Variants in MYO9A observed in about 807,000 individuals in gnomAD.
MYO9A encodes the protein myosin IXA.
In MYO9A, 103 loss-of-function variants were observed where a neutral mutation model predicts 293.3. That is an observed-to-expected ratio of 0.35 (90% CI 0.30 to 0.41). The LOEUF is 0.41. MYO9A is among the 10% of genes least tolerant of loss of function. The pLI is 1.00. For missense variants in MYO9A, 2,685 were observed against 3,033.0 expected (o/e 0.89, Z 2.69); for synonymous variants, 1,001 against 1,035.7 (o/e 0.97, Z 0.64).
intron 11 of MYO9A, among the ~76,000 whole-genome samples, chr15:71,987,982 C>T (rs1334908686): frequency 6.6e-6 from 1 of 152,134 alleles, no homozygotes; most frequent in African/African-American, 2.4e-5. Context: ...TTTCCATAAA[C>T]TCTAAGGTTT....
At chr15:71,980,423 T>C (rs2076244091) in intron 11 of MYO9A, among the ~76,000 whole-genome samples, 1 of 152,208 alleles carries the variant, frequency 6.6e-6, no homozygotes, top group Admixed American at 6.5e-5. Context: ...GGTGAATGCC[T>C]ACTAGTAGCT....
At chr15:71,996,487 G>A (rs113101525) in intron 9 of MYO9A, among the ~76,000 whole-genome samples, 1 of 152,008 alleles carries the variant, frequency 6.6e-6, no homozygotes, top group African/African-American at 2.4e-5. Flanking sequence ...GTCTTTCATA[G>A]CTTAACCTCA....
intron 12 of MYO9A, among the ~76,000 whole-genome samples, chr15:71,975,312 G>GTA (rs2147676901): frequency 6.6e-6 from 1 of 150,698 alleles, no homozygotes; most frequent in South Asian, 2.1e-4. Flanking sequence ...TCGTGTGTGT[G>GTA]TGTGTGTGTG....
intron 1 of MYO9A, among the ~76,000 whole-genome samples, chr15:72,113,947 T>C (rs996292332): frequency 2.6e-5 from 4 of 151,872 alleles, no homozygotes; most frequent in African/African-American, 9.7e-5. Context: ...GGCATGGGGG[T>C]CACATAGTAG....
chr15:71,884,745 T>A (rs2056970302), intron 27 of MYO9A, among the ~76,000 whole-genome samples: 1 of 152,104 alleles, frequency 6.6e-6, no homozygotes, highest in African/African-American at 2.4e-5. Context: ...ATCTGTTCAT[T>A]TGTCTGTTCA....
At chr15:71,833,605 G>A (rs1229468848) in intron 39 of MYO9A, among the ~76,000 whole-genome samples, 1 of 152,046 alleles carries the variant, frequency 6.6e-6, no homozygotes. Flanking sequence ...GACATATACA[G>A]ACTTCAGTAT....
intron 1 of MYO9A, among the ~76,000 whole-genome samples, chr15:72,055,619 G>GA (rs2078696497): frequency 6.6e-6 from 1 of 151,694 alleles, no homozygotes; most frequent in African/African-American, 2.4e-5. Context: ...AAATTAGCAA[G>GA]AAAAAAACAA....
intron 16 of MYO9A, 39 bp from the exon 17 acceptor site, chr15:71,935,523 C>A: frequency 6.4e-7 from 1 of 1,574,676 alleles, no homozygotes. Flanking sequence ...ATGAAGACGT[C>A]TCTAACACTA....
intron 27 of MYO9A, among the ~76,000 whole-genome samples, chr15:71,887,545 A>G (rs1302914788): frequency 6.6e-6 from 1 of 151,986 alleles, no homozygotes; most frequent in East Asian, 1.9e-4. Flanking sequence ...TTCCCCATAA[A>G]TTTACCTTCC....
rs1359961280 is a variant in MYO9A at position 71,825,856 on chromosome 15, CTAAACAGGAGT to C, written c.*713_*723del. On this transcript the variant is annotated 3_prime_UTR_variant, in exon 42 of 42. Transcript: ENST00000356056. Reference sequence around the variant, plus strand: ...GCCCATGCAATGTATTTGGCAGGAACTAAACAGGAGTTAAACCAGCACTGATTACTATGACA... The same window carrying C: ...GCCCATGCAATGTATTTGGCAGGAACTAAACCAGCACTGATTACTATGACA... 3 of 152,132 alleles carry C rather than the reference CTAAACAGGAGT, an allele frequency of 2.0e-5. No homozygotes were observed. The highest frequency in any genetic ancestry group is 7.2e-5 in the African/African-American group (3 of 41,424). The allele number at this position is 152,132 out of a possible 1,614,324, so 9.4% of individuals were successfully genotyped here.
intron 2 of MYO9A, among the ~76,000 whole-genome samples, chr15:72,044,936 T>C (rs746070425): frequency 2.0e-4 from 31 of 152,324 alleles, no homozygotes; most frequent in Non-Finnish European, 3.2e-4. Flanking sequence ...ATTACCACTG[T>C]CACACTCTTC....
At position 71,978,154 on chromosome 15, in the gene MYO9A, A is replaced by C. The variant is rs1229471825; in HGVS notation, c.1844+17T>G. 1 of 1,608,640 alleles carries C rather than the reference A, an allele frequency of 6.2e-7. No homozygotes were observed. The highest frequency in any genetic ancestry group is 8.5e-7 in the Non-Finnish European group (1 of 1,178,716). On this transcript the variant is annotated intron_variant, in intron 12 of 41. Coordinates refer to ENST00000356056, the MANE Select transcript of MYO9A (RefSeq NM_006901.4). Reference sequence around the variant, plus strand: ...GCCAAAACAGCCAATAACAAAATTGAAAAGAATCACACTCACTTGCTTTCT... The same window carrying C: ...GCCAAAACAGCCAATAACAAAATTGCAAAGAATCACACTCACTTGCTTTCT...
intron 6 of MYO9A, among the ~76,000 whole-genome samples, chr15:72,017,144 C>T (rs1460175815): frequency 1.3e-5 from 2 of 150,472 alleles, no homozygotes; most frequent in East Asian, 3.9e-4. Context: ...CCTCAGCCTC[C>T]TGAGTAGCTG....
At chr15:72,025,917 C>T (rs902551190) in intron 4 of MYO9A, among the ~76,000 whole-genome samples, 1 of 152,024 alleles carries the variant, frequency 6.6e-6, no homozygotes, top group Admixed American at 6.6e-5. Flanking sequence ...TACTACAAAA[C>T]AAGTCTCAAT....
At chr15:71,831,511 C>G (rs1185485786) in intron 39 of MYO9A, among the ~76,000 whole-genome samples, 1 of 152,136 alleles carries the variant, frequency 6.6e-6, no homozygotes, top group African/African-American at 2.4e-5. Context: ...CACTGGGATC[C>G]CCAAGGTTTG....
chr15:71,917,427 C>A (rs1018006594), intron 18 of MYO9A, among the ~76,000 whole-genome samples: 2 of 151,908 alleles, frequency 1.3e-5, no homozygotes, highest in Non-Finnish European at 2.9e-5. Flanking sequence ...CCCAGCTACT[C>A]GGGAGGCTGA....
At chr15:71,934,786 C>CTTTTTTTTT (rs1167613386) in intron 17 of MYO9A, among the ~76,000 whole-genome samples, 660 of 61,460 alleles carry the variant, frequency 0.011, no homozygotes, top group Non-Finnish European at 0.013. Context: ...CTTTTCTTTT[C>CTTTTTTTTT]TTTTTTTTTT....
At chr15:71,878,578 T>C (rs1212013676) in intron 30 of MYO9A, among the ~76,000 whole-genome samples, 3 of 152,186 alleles carry the variant, frequency 2.0e-5, no homozygotes, top group Non-Finnish European at 4.4e-5. Flanking sequence ...CTTGTTTAGA[T>C]GGTTCTACTC....
chr15:71,938,458 A>C (rs2058693208), intron 16 of MYO9A, among the ~76,000 whole-genome samples: 1 of 152,140 alleles, frequency 6.6e-6, no homozygotes. Flanking sequence ...GCACTCACCC[A>C]AAAAAGGTAT....
Sources: allele counts gnomAD v4.1 joint callset (sites outside exome capture counted in the v4.1 genomes callset), GRCh38; gene constraint gnomAD v4.1.1; transcripts MANE v1.5; gene names NCBI Gene and HGNC (gene_info 2026-07-23, HGNC 2026-07-21).